CLCN5: variants seen among roughly 807,000 people sequenced by gnomAD.
The protein encoded by CLCN5 is H(+)/Cl(-) exchange transporter 5.
A neutral mutation model predicts 54.0 loss-of-function variants in CLCN5; 17 were observed. The observed-to-expected ratio is 0.31, with a 90% CI of 0.22 to 0.47. CLCN5 has a LOEUF of 0.47. Among genes scored for constraint, CLCN5 ranks in the 20% least tolerant of loss-of-function variants. The probability of loss-of-function intolerance (pLI) is 1.00; values close to 1 mark genes in which losing one functional copy is unlikely to be tolerated. For missense variants in CLCN5, 448 were observed against 646.7 expected (o/e 0.69, Z 3.33); for synonymous variants, 222 against 233.0 (o/e 0.95, Z 0.43).
chrX:50,058,255 A>G (rs1932797111), intron 4 of CLCN5, among the ~76,000 whole-genome samples: 1 of 111,597 alleles, frequency 9.0e-6, no homozygotes, highest in Non-Finnish European at 1.9e-5. Flanking sequence ...CAGCTGTGAT[A>G]TTACTAAAGC....
At chrX:50,059,378 G>T (rs1285934433) in intron 4 of CLCN5, among the ~76,000 whole-genome samples, 1 of 111,874 alleles carries the variant, frequency 8.9e-6, no homozygotes, top group Admixed American at 9.5e-5. Flanking sequence ...TCAAAATATT[G>T]CTGTAGGGGC....
chrX:50,060,932 C>T, intron 4 of CLCN5, among the ~76,000 whole-genome samples: 1 of 86,276 alleles, frequency 1.2e-5, no homozygotes, highest in Admixed American at 1.3e-4. Context: ...TCCAACAGAC[C>T]TGCAGCTGAG....
chrX:49,966,593 T>TTTTTA (rs1927872167), intron 3 of CLCN5, among the ~76,000 whole-genome samples: 1 of 11,923 alleles, frequency 8.4e-5, no homozygotes, highest in Non-Finnish European at 1.4e-4. Flanking sequence ...TCTGATCTTT[T>TTTTTA]TTTTTTTTTT....
chrX:49,923,874 C>CTAGTAT (rs1421840328), intron 2 of CLCN5: 2 of 112,498 alleles, frequency 1.8e-5, no homozygotes, highest in African/African-American at 6.5e-5. Flanking sequence ...GATTCTCAAG[C>CTAGTAT]TAGTATTAGC....
chrX:49,955,617 C>T (rs1281697387), intron 3 of CLCN5, among the ~76,000 whole-genome samples: 1 of 111,622 alleles, frequency 9.0e-6, no homozygotes, highest in Non-Finnish European at 1.9e-5. Flanking sequence ...TCTGTCTTTA[C>T]TTTTAATGAT....
At chrX:49,939,715 C>T (rs1375805798) in intron 3 of CLCN5, among the ~76,000 whole-genome samples, 1 of 110,839 alleles carries the variant, frequency 9.0e-6, no homozygotes, top group Non-Finnish European at 1.9e-5. Flanking sequence ...GTGCAACACA[C>T]CAACATGGCA....
At chrX:50,017,874 T>A (rs999149597) in intron 3 of CLCN5, among the ~76,000 whole-genome samples, 1 of 111,995 alleles carries the variant, frequency 8.9e-6, no homozygotes, top group Non-Finnish European at 1.9e-5. Flanking sequence ...TTGATTATTG[T>A]AGCTTTATAG....
intron 4 of CLCN5, among the ~76,000 whole-genome samples, chrX:50,066,137 A>G (rs1472473193): frequency 2.9e-5 from 3 of 101,912 alleles, no homozygotes; most frequent in Non-Finnish European, 6.0e-5. Flanking sequence ...CATTGTGCAC[A>G]TGTACCCTAA....
chrX:50,051,600 C>A (rs1222776446), intron 4 of CLCN5, among the ~76,000 whole-genome samples: 1 of 112,021 alleles, frequency 8.9e-6, no homozygotes, highest in African/African-American at 3.2e-5. Context: ...ATAGATCAAG[C>A]TGGGAAGAAT....
intron 4 of CLCN5, among the ~76,000 whole-genome samples, chrX:50,060,562 C>G (rs1353153740): frequency 7.8e-5 from 8 of 102,007 alleles, no homozygotes; most frequent in African/African-American, 3.0e-4. Context: ...AACTGCAAGG[C>G]GGCAGCGAGG....
At chrX:50,056,139 GGTATTTTCT>G (rs1932740518) in intron 4 of CLCN5, among the ~76,000 whole-genome samples, 1 of 109,560 alleles carries the variant, frequency 9.1e-6, no homozygotes, top group Non-Finnish European at 1.9e-5. Context: ...TCTCACAATT[GGTATTTTCT>G]GTCTTGAAAT....
intron 3 of CLCN5, among the ~76,000 whole-genome samples, chrX:49,970,398 C>T (rs1244582765): frequency 9.0e-6 from 1 of 110,871 alleles, no homozygotes; most frequent in African/African-American, 3.3e-5. Context: ...ACACTATGCC[C>T]ATTAGTAGTC....
chrX:50,074,258 CATAGG>C (rs1174254668), intron 6 of CLCN5, among the ~76,000 whole-genome samples: 1 of 111,603 alleles, frequency 9.0e-6, no homozygotes, highest in Non-Finnish European at 1.9e-5. Flanking sequence ...TTTTGGTAGT[CATAGG>C]AGAGAGAGGA....
At position 50,033,545 on chromosome X, in the gene CLCN5, C is replaced by T. The variant is rs142474021; in HGVS notation, c.17-8771C>T. Among the ~76,000 whole-genome samples, 698 of 111,525 alleles carry T rather than the reference C, an allele frequency of 6.3e-3. 3 individuals are homozygous for T. Among genetic ancestry groups the T allele is most frequent in the African/African-American group, 0.021 (657 of 30,699 alleles). ...GATACAAAGAAACGGAAGAACATTC[C>T]ATGCCCATGGGTAGGAAGAATCAAT... On this transcript the variant is annotated intron_variant, in intron 3 of 14. Transcript: ENST00000376091.
chrX:50,088,519 C>G (rs1933972974), intron 11 of CLCN5, 179 bp from the exon 12 acceptor site: 2 of 476,645 alleles, frequency 4.2e-6, no homozygotes, highest in South Asian at 6.1e-5. Context: ...GCCTGCACGT[C>G]CCAGAGAACC....
At chrX:50,036,088 G>T (rs1557186500) in intron 3 of CLCN5, among the ~76,000 whole-genome samples, 8 of 112,033 alleles carry the variant, frequency 7.1e-5, no homozygotes, top group Non-Finnish European at 5.6e-5. Context: ...TGAAGCCCCA[G>T]TGTGTTATGG....
chrX:49,937,136 A>G (rs1168000322), intron 3 of CLCN5, among the ~76,000 whole-genome samples: 22 of 111,382 alleles, frequency 2.0e-4, no homozygotes, highest in African/African-American at 7.2e-4. Flanking sequence ...TTTTTAAGTG[A>G]AAAAAGGGGT....
intron 3 of CLCN5, among the ~76,000 whole-genome samples, chrX:50,022,605 T>C: frequency 1.3e-5 from 1 of 78,138 alleles, no homozygotes; most frequent in East Asian, 3.6e-4. Flanking sequence ...CTTTCTCTTA[T>C]AGGCATTTAG....
chrX:49,977,304 A>G (rs1389752119), intron 3 of CLCN5, among the ~76,000 whole-genome samples: 1 of 111,810 alleles, frequency 8.9e-6, no homozygotes, highest in Non-Finnish European at 1.9e-5. Context: ...CCTTTAAAAA[A>G]GTTATTGTGC....
Sources: gnomAD v4.1 joint callset for allele counts (sites outside exome capture counted in the v4.1 genomes callset) on GRCh38, gnomAD v4.1.1 for gene constraint, MANE v1.5 for transcripts, NCBI Gene and HGNC (gene_info 2026-07-23, HGNC 2026-07-21) for gene names.